CXADR: variants seen among roughly 807,000 people sequenced by gnomAD.
CXADR encodes CXADR cell adhesion molecule, also known as coxsackievirus and adenovirus receptor.
Under a neutral mutation model 40.3 loss-of-function variants are expected in CXADR, and 20 were observed. That is an observed-to-expected ratio of 0.50 (90% CI 0.35 to 0.72). The LOEUF (loss-of-function observed/expected upper bound fraction) is 0.72. Ranked by LOEUF, CXADR falls within the 30% of genes least tolerant of loss-of-function variation. CXADR has a pLI of 0.01. For missense variants in CXADR, 332 were observed against 449.1 expected (o/e 0.74, Z 2.36); for synonymous variants, 150 against 161.3 (o/e 0.93, Z 0.53).
At chr21:17,549,709 G>A (rs777760635) in intron 2 of CXADR, among the ~76,000 whole-genome samples, 3 of 152,128 alleles carry the variant, frequency 2.0e-5, no homozygotes, top group Non-Finnish European at 4.4e-5. Context: ...AACCAACAGC[G>A]GGAATGCATC....
In CXADR at chr21:17,563,940, C is replaced by CAAAAAAAAAAAAAAAA. The variant is rs35020228; in HGVS notation, c.834-1482_834-1467dup. ...TGGGCAACAGAGCAAGACTCTGTCT[C>CAAAAAAAAAAAAAAAA]AAAAAAAAAAAAAAAAAAAAAGGTA... On this transcript the variant is annotated intron_variant, in intron 6 of 6. Coordinates refer to ENST00000284878, the MANE Select transcript of CXADR (RefSeq NM_001338.5). Among the ~76,000 whole-genome samples the CAAAAAAAAAAAAAAAA allele has an allele frequency of 6.5e-4, 24 of 37,202 alleles. 2 individuals carry two copies. The highest frequency in any genetic ancestry group is 1.8e-3 in the East Asian group (2 of 1,084). 24.4% of individuals were successfully genotyped at this position (37,202 alleles called of 152,430 possible).
chr21:17,561,547 T>A (rs1357295555), intron 6 of CXADR, 71 bp downstream of exon 6: 1 of 1,324,328 alleles, frequency 7.6e-7, no homozygotes, highest in East Asian at 2.5e-5. Context: ...ATTCGTTCTC[T>A]TATTAACCAC....
chr21:17,541,270 C>T (rs765557663), intron 1 of CXADR, among the ~76,000 whole-genome samples: 4 of 152,056 alleles, frequency 2.6e-5, no homozygotes, highest in African/African-American at 4.8e-5. Context: ...TCCTATGTTC[C>T]GGCTGGGCGC....
At chr21:17,609,214 CT>C in the CXADR span, 1 of 1,501,162 alleles carries the variant, frequency 6.7e-7, no homozygotes, top group Non-Finnish European at 9.0e-7. Flanking sequence ...AGATGAAGCT[CT>C]GTAAGATATA....
intron 7 of CXADR, among the ~76,000 whole-genome samples, chr21:17,590,669 CCA>C (rs2061428731): frequency 6.6e-6 from 1 of 151,866 alleles, no homozygotes; most frequent in Admixed American, 6.6e-5. Context: ...GCAATAGATT[CCA>C]GAGTATATGA....
intron 1 of CXADR, among the ~76,000 whole-genome samples, chr21:17,525,908 A>T (rs2060593150): frequency 6.6e-6 from 1 of 152,256 alleles, no homozygotes; most frequent in African/African-American, 2.4e-5. Context: ...CCACATATGT[A>T]ATTTAAAATT....
chr21:17,569,985 C>T lies in CXADR; in HGVS notation c.*4293C>T. The stretch of plus-strand genomic sequence containing the variant: ...CAGATTTTGTATGTACGATTTCTGG[C>T]TTATATATCCAATGGTGCAGATTTT... On this transcript the variant is annotated 3_prime_UTR_variant, in exon 7 of 7. Transcript: ENST00000284878. The T allele has an allele frequency of 1.0e-6, 1 of 985,320 alleles. No homozygotes were observed. Among genetic ancestry groups the T allele is most frequent in the South Asian group, 4.7e-5 (1 of 21,272 alleles). The allele number at this position is 985,320 out of a possible 1,614,324, so 61.0% of individuals were successfully genotyped here.
chr21:17,565,267 T>A (rs999372903), intron 6 of CXADR, among the ~76,000 whole-genome samples, 161 bp from the exon 7 acceptor site: 1 of 147,714 alleles, frequency 6.8e-6, no homozygotes, highest in African/African-American at 2.5e-5. Context: ...TGGCTTGTGC[T>A]TTTTGCTTTT....
At chr21:17,541,716 G>A (rs537842977) in intron 1 of CXADR, among the ~76,000 whole-genome samples, 8 of 148,804 alleles carry the variant, frequency 5.4e-5, no homozygotes, top group African/African-American at 2.0e-4. Flanking sequence ...ATATGCATTT[G>A]TGTTTAAGTT....
intron 1 of CXADR, among the ~76,000 whole-genome samples, chr21:17,545,783 T>G (rs4818361): frequency 3.6e-4 from 10 of 27,446 alleles, no homozygotes; most frequent in Non-Finnish European, 5.8e-4. Flanking sequence ...TTTTTTTTGT[T>G]TTTTTTTTTT....
In CXADR at chr21:17,587,457, A is replaced by T. The variant is rs1044228915; in HGVS notation, c.1018-5695A>T. Among the ~76,000 whole-genome samples the T allele has an allele frequency of 3.9e-5, 6 of 152,176 alleles. No homozygotes were observed. In the East Asian group the frequency reaches 9.7e-4, roughly 24 times the overall value. ...CTAACTGGTGTGAGATGGTATCTCA[A>T]TGTGGTTTTGATTTGCATTTCTCTG... On this transcript the variant is annotated intron_variant, in intron 7 of 7. Transcript: ENST00000400169.
At chr21:17,594,198 T>A, downstream of CXADR, 1 of 1,613,352 alleles carries the variant, frequency 6.2e-7, no homozygotes, top group Non-Finnish European at 8.5e-7. Flanking sequence ...GTTTATTTTT[T>A]CTTCCCTGAT....
intron 1 of CXADR, among the ~76,000 whole-genome samples, chr21:17,532,424 C>G (rs954455482): frequency 7.2e-5 from 11 of 152,128 alleles, no homozygotes; most frequent in Admixed American, 2.0e-4. Context: ...CTCCCCTCAT[C>G]GAGAACAAAT....
At chr21:17,594,713 A>G (rs192491791), downstream of CXADR, among the ~76,000 whole-genome samples, 1 of 152,188 alleles carries the variant, frequency 6.6e-6, no homozygotes, top group African/African-American at 2.4e-5. Context: ...TTGGAGCTGG[A>G]GGCCATTATC....
At chr21:17,578,260 A>G (rs1443883129) in intron 7 of CXADR, among the ~76,000 whole-genome samples, 2 of 152,172 alleles carry the variant, frequency 1.3e-5, no homozygotes, top group South Asian at 2.1e-4. Flanking sequence ...AAGAGTTCCA[A>G]TTTCTCCACA....
intron 3 of CXADR, among the ~76,000 whole-genome samples, chr21:17,555,012 G>A (rs1396206560): frequency 1.3e-5 from 2 of 152,162 alleles, no homozygotes; most frequent in East Asian, 1.9e-4. Flanking sequence ...CTCCATTGCC[G>A]TGCCTGCCTT....
chr21:17,516,238 T>A (rs2060460699), intron 1 of CXADR, among the ~76,000 whole-genome samples: 1 of 152,216 alleles, frequency 6.6e-6, no homozygotes, highest in Non-Finnish European at 1.5e-5. Flanking sequence ...ATAATTAACT[T>A]GTGAAGATCA....
chr21:17,559,668 GGTTTTTT>G (rs1232596761), intron 4 of CXADR, among the ~76,000 whole-genome samples: 1 of 106,208 alleles, frequency 9.4e-6, no homozygotes, highest in African/African-American at 3.8e-5. Context: ...CTTTTTTTTG[GGTTTTTT>G]TTTTTTTTTT....
chr21:17,549,503 G>T (rs2824347), intron 2 of CXADR, among the ~76,000 whole-genome samples: 5,326 of 152,294 alleles, frequency 0.035, 285 homozygotes, highest in East Asian at 0.16. Context: ...CATCTTTGTT[G>T]TGTGACTTGG....
Sources: gnomAD v4.1 joint callset for allele counts (sites outside exome capture counted in the v4.1 genomes callset) on GRCh38, gnomAD v4.1.1 for gene constraint, MANE v1.5 for transcripts, NCBI Gene and HGNC (gene_info 2026-07-23, HGNC 2026-07-21) for gene names.